Variants in VAV3 observed in about 807,000 individuals in gnomAD.
VAV3 encodes guanine nucleotide exchange factor VAV3.
In VAV3, 94 loss-of-function variants were observed where a neutral mutation model predicts 131.2. The ratio of observed to expected loss-of-function variants is 0.72; its 90% CI spans 0.61 to 0.85. The LOEUF (loss-of-function observed/expected upper bound fraction) is 0.85, where lower values mean the gene tolerates loss of function less well. Ranked by LOEUF, VAV3 falls within the 40% of genes least tolerant of loss-of-function variation. The pLI is 0.00. For missense variants in VAV3, 939 were observed against 1,002.7 expected (o/e 0.94, Z 0.86); for synonymous variants, 349 against 342.0 (o/e 1.02, Z -0.22).
rs576634216 is a variant in VAV3, at chr1:107,641,097, T to C, written c.1914+1522A>G. On this transcript the variant is annotated intron_variant, in intron 20 of 26. Transcript: ENST00000370056. The stretch of plus-strand genomic sequence containing the variant: ...AGAATTCAAGTCTGTTGTTCTCTCT[T>C]TTCTTTTTCTGGGAAGGATGAAGTT... Among the ~76,000 whole-genome samples the C allele has an allele frequency of 7.2e-5, 11 of 152,280 alleles. No individual in the cohort carries two copies. The South Asian group carries it at 2.3e-3, about 32-fold the overall frequency.
chr1:107,606,803 CTTTT>C (rs34849497), intron 22 of VAV3, among the ~76,000 whole-genome samples: 1 of 58,000 alleles, frequency 1.7e-5, no homozygotes, highest in Non-Finnish European at 3.2e-5. Context: ...ATGGTTTCTT[CTTTT>C]TTTTTTTTTT....
intron 20 of VAV3, among the ~76,000 whole-genome samples, chr1:107,642,293 C>T (rs886890617): frequency 5.3e-5 from 8 of 152,120 alleles, no homozygotes; most frequent in Admixed American, 4.6e-4. Flanking sequence ...CTCTGGTCGT[C>T]CTCACTACTA....
In VAV3 at chr1:107,602,484, C is replaced by A; in HGVS notation, c.2133G>T (p.Lys711Asn). The A allele has an allele frequency of 6.4e-7, 1 of 1,563,690 alleles. No individual in the cohort carries two copies. Among genetic ancestry groups the A allele is most frequent in the Non-Finnish European group, 8.6e-7 (1 of 1,164,134 alleles). The change falls in exon 24 of 27, where the codon AAG becomes AAT. Residue 711 changes from lysine (K) to asparagine (N), a missense_variant and splice_region_variant. Physicochemically the swap from Lys to Asn is moderately conservative, Grantham distance 94. Transcript: ENST00000370056. The part of the protein sequence containing the change: ...KESGEYAISI[K>N]YNNEAKHIKI... ...TGATGTGCTTTGCTTCATTATTGTA[C>A]CTGTGGGCAATGAATAACTTATGAA...
At chr1:107,841,396 C>G (rs556281265) in intron 2 of VAV3, among the ~76,000 whole-genome samples, 69 of 152,178 alleles carry the variant, frequency 4.5e-4, no homozygotes, top group African/African-American at 1.6e-3. Context: ...CAGAAATTGT[C>G]AGAAGGCTGA....
chr1:107,702,018 T>C (rs1346691079), intron 17 of VAV3, among the ~76,000 whole-genome samples: 3 of 152,214 alleles, frequency 2.0e-5, no homozygotes, highest in Admixed American at 6.5e-5. Flanking sequence ...AGTATCTTTA[T>C]AGCAGTGCCC....
At chr1:107,841,891 G>A (rs540463067) in intron 2 of VAV3, among the ~76,000 whole-genome samples, 227 of 152,212 alleles carry the variant, frequency 1.5e-3, no homozygotes, top group Non-Finnish European at 2.5e-3. Flanking sequence ...ATTGGGGTGC[G>A]TTGGGTTAAA....
intron 20 of VAV3, among the ~76,000 whole-genome samples, chr1:107,636,358 A>G (rs1412348983): frequency 6.6e-6 from 1 of 152,232 alleles, no homozygotes; most frequent in African/African-American, 2.4e-5. Context: ...AAAGCTAATT[A>G]ATGTATTCCT....
intron 2 of VAV3, among the ~76,000 whole-genome samples, chr1:107,839,609 C>T (rs1668608430): frequency 6.6e-6 from 1 of 151,834 alleles, no homozygotes; most frequent in African/African-American, 2.4e-5. Flanking sequence ...AAAGCTTCCA[C>T]CCTAGGAAAC....
At chr1:107,874,331 G>A (rs751408464) in intron 2 of VAV3, among the ~76,000 whole-genome samples, 20 of 152,134 alleles carry the variant, frequency 1.3e-4, no homozygotes, top group Non-Finnish European at 2.1e-4. Flanking sequence ...TGTGAAAAAT[G>A]TCCTTGAAAT....
At chr1:107,633,167 G>A (rs1054836220) in intron 20 of VAV3, among the ~76,000 whole-genome samples, 36 of 151,820 alleles carry the variant, frequency 2.4e-4, no homozygotes, top group African/African-American at 8.5e-4. Context: ...ACCTGTGATA[G>A]GAAAAATTAG....
At chr1:107,926,153 G>A (rs2101179599) in intron 1 of VAV3, among the ~76,000 whole-genome samples, 1 of 152,100 alleles carries the variant, frequency 6.6e-6, no homozygotes, top group East Asian at 1.9e-4. Context: ...ATGGTGGCAG[G>A]TGCGTGTAAT....
At chr1:107,879,334 T>C (rs755958979) in intron 1 of VAV3, among the ~76,000 whole-genome samples, 1 of 152,122 alleles carries the variant, frequency 6.6e-6, no homozygotes, top group Admixed American at 6.6e-5. Context: ...TTAAGCAATC[T>C]ATCACTTGCA....
chr1:107,696,370 A>C (rs1345467966), intron 17 of VAV3, among the ~76,000 whole-genome samples: 1 of 152,222 alleles, frequency 6.6e-6, no homozygotes, highest in Non-Finnish European at 1.5e-5. Context: ...TAGTCAGCCT[A>C]TAGTGCTATA....
At chr1:107,713,975 A>G (rs1660940071) in intron 15 of VAV3, among the ~76,000 whole-genome samples, 1 of 152,178 alleles carries the variant, frequency 6.6e-6, no homozygotes, top group Admixed American at 6.5e-5. Context: ...CGAATGTTCA[A>G]ATACTAGCTC....
chr1:107,602,536 A>G, intron 23 of VAV3, 52 bp from the exon 24 acceptor site: 2 of 1,388,292 alleles, frequency 1.4e-6, no homozygotes, highest in Non-Finnish European at 1.9e-6. Flanking sequence ...ATCAGTAGAA[A>G]TCAATAATTA....
chr1:107,842,288 T>G (rs562314544), intron 2 of VAV3, among the ~76,000 whole-genome samples: 1 of 151,892 alleles, frequency 6.6e-6, no homozygotes, highest in Non-Finnish European at 1.5e-5. Context: ...GGGAAGGGAG[T>G]TGCGAGATGA....
At chr1:107,768,833 A>T (rs1164227761) in intron 6 of VAV3, among the ~76,000 whole-genome samples, 6 of 152,356 alleles carry the variant, frequency 3.9e-5, no homozygotes, top group African/African-American at 1.4e-4. Flanking sequence ...ATGTATATGA[A>T]GACTTACACA....
At chr1:107,724,592 TG>T (rs1661714485) in intron 15 of VAV3, among the ~76,000 whole-genome samples, 1 of 151,914 alleles carries the variant, frequency 6.6e-6, no homozygotes, top group Non-Finnish European at 1.5e-5. Flanking sequence ...TGGTGGAGAA[TG>T]AAAGAGAGAT....
intron 1 of VAV3, among the ~76,000 whole-genome samples, chr1:107,946,530 C>T (rs1350901503): frequency 1.3e-5 from 2 of 152,094 alleles, no homozygotes; most frequent in Non-Finnish European, 2.9e-5. Flanking sequence ...ATGTTTATGA[C>T]CATTGACCTA....
Sources: allele counts gnomAD v4.1 joint callset (sites outside exome capture counted in the v4.1 genomes callset), GRCh38; gene constraint gnomAD v4.1.1; transcripts MANE v1.5; gene names NCBI Gene and HGNC (gene_info 2026-07-23, HGNC 2026-07-21).